The following GHR variants were observed in gnomAD, a reference collection of about 807,000 sequenced individuals.
GHR encodes GH receptor.
GHR carries 35 observed loss-of-function variants against 67.1 expected under a neutral mutation model. The observed-to-expected ratio is 0.52, with a 90% CI of 0.40 to 0.69. GHR has a LOEUF of 0.69. Ranked by LOEUF, GHR falls within the 30% of genes least tolerant of loss-of-function variation. GHR has a pLI of 0.00. For missense variants in GHR, 792 were observed against 764.6 expected, an observed-to-expected ratio of 1.04 and a Z score of -0.42; for synonymous variants, 272 against 269.1, an observed-to-expected ratio of 1.01 and a Z score of -0.10.
chr5:42,635,082 CATT>C (rs1754112646), intron 3 of GHR, among the ~76,000 whole-genome samples: 2 of 151,710 alleles, frequency 1.3e-5, no homozygotes, highest in African/African-American at 4.8e-5. Context: ...TGGAAGCTGA[CATT>C]AAATTATTGA....
At chr5:42,436,175 G>A (rs1743315125) in intron 1 of GHR, among the ~76,000 whole-genome samples, 1 of 152,192 alleles carries the variant, frequency 6.6e-6, no homozygotes, top group Admixed American at 6.5e-5. Flanking sequence ...ACATAGCCTT[G>A]AGTAACTTAG....
At chr5:42,481,560 C>A (rs1745638438) in intron 1 of GHR, among the ~76,000 whole-genome samples, 1 of 152,162 alleles carries the variant, frequency 6.6e-6, no homozygotes, top group Admixed American at 6.5e-5. Flanking sequence ...CACATAGTCC[C>A]ATATTTCTTG....
intron 4 of GHR, among the ~76,000 whole-genome samples, chr5:42,690,612 C>T (rs1757378051): frequency 6.6e-6 from 1 of 152,038 alleles, no homozygotes; most frequent in African/African-American, 2.4e-5. Flanking sequence ...GGTATAAGAG[C>T]ATTTTAATGC....
At chr5:42,646,323 T>C (rs1410311754) in intron 3 of GHR, 2 of 454,558 alleles carry the variant, frequency 4.4e-6, no homozygotes, top group East Asian at 6.9e-5. Flanking sequence ...TCCATTCTTC[T>C]CTTTGCAGGA....
intron 1 of GHR, among the ~76,000 whole-genome samples, chr5:42,454,392 T>C (rs1214268869): frequency 6.6e-6 from 1 of 152,196 alleles, no homozygotes; most frequent in African/African-American, 2.4e-5. Context: ...ATTATTGTCA[T>C]GAGTATGGCC....
In GHR at chr5:42,430,607, CGTGTGTGTGT is replaced by C. The variant is rs141602161; in HGVS notation, c.-12+6673_-12+6682del. Reference sequence around the variant, plus strand: ...TAGATAAAATTGTCCATGCTAGTCCCGTGTGTGTGTGTGTGTGTGTGTGTGTGTGTATGTG... The same window carrying C: ...TAGATAAAATTGTCCATGCTAGTCCCGTGTGTGTGTGTGTGTGTGTATGTG... On this transcript the variant is annotated intron_variant, in intron 1 of 9. Transcript: ENST00000230882. Among the ~76,000 whole-genome samples, 433 of 147,512 alleles carry C rather than the reference CGTGTGTGTGT, an allele frequency of 2.9e-3. 1 individual carries two copies. The highest frequency in any genetic ancestry group is 0.011 in the African/African-American group (419 of 39,850).
At chr5:42,652,781 A>T (rs989380658) in intron 3 of GHR, among the ~76,000 whole-genome samples, 4 of 152,178 alleles carry the variant, frequency 2.6e-5, no homozygotes, top group African/African-American at 4.8e-5. Flanking sequence ...AGACTGAGGC[A>T]CAAGGAAGAG....
chr5:42,534,065 TGTAC>T (rs1210542232), intron 1 of GHR, among the ~76,000 whole-genome samples: 1 of 150,384 alleles, frequency 6.6e-6, no homozygotes, highest in Admixed American at 6.7e-5. Context: ...TGTATATATA[TGTAC>T]GTATGTATAT....
intron 8 of GHR, among the ~76,000 whole-genome samples, chr5:42,714,903 C>T (rs1057428727): frequency 1.3e-5 from 2 of 152,036 alleles, no homozygotes; most frequent in Non-Finnish European, 2.9e-5. Context: ...GATAAACTCA[C>T]GAGGTATGTA....
At position 42,628,550 on chromosome 5, in the gene GHR, C is replaced by T. The variant is rs1753813910; in HGVS notation, c.71-488C>T. ...AAGGCAGGATGTCTTGAAGTGGGGA[C>T]TTGCAGGTCATAGTTTGGTTCAGAG... On this transcript the variant is annotated intron_variant, in intron 2 of 9. Transcript: ENST00000230882. Among the ~76,000 whole-genome samples the T allele has an allele frequency of 1.5e-5, 2 of 131,898 alleles. 1 individual carries two copies. Among genetic ancestry groups the T allele is most frequent in the African/African-American group, 6.4e-5 (2 of 31,228 alleles). 86.5% of individuals were successfully genotyped at this position (131,898 alleles called of 152,430 possible).
chr5:42,424,642 A>C lies in GHR; in HGVS notation c.-12+687A>C. On this transcript the variant is annotated intron_variant, in intron 1 of 9. Transcript: ENST00000230882. The surrounding 1 kb of genome is among the most constrained non-coding windows in gnomAD (Gnocchi z 4.1). ...GAGCCGACCTCCCCCAGCTTTTGAC[A>C]CACTAGTGGTTGTAAAATCAACCAG... 1 of 1,509,558 alleles carries C rather than the reference A, an allele frequency of 6.6e-7. No individual in the cohort carries two copies. The allele number at this position is 1,509,558 out of a possible 1,614,324, so 93.5% of individuals were successfully genotyped here. A position where few individuals can be genotyped will look rare whatever the true frequency, so the allele number is the denominator to read the frequency against.
At chr5:42,665,067 A>G (rs1755883430) in intron 3 of GHR, among the ~76,000 whole-genome samples, 1 of 152,286 alleles carries the variant, frequency 6.6e-6, no homozygotes, top group African/African-American at 2.4e-5. Context: ...ACCAGTTGTT[A>G]GAATGGCGAT....
intron 1 of GHR, among the ~76,000 whole-genome samples, chr5:42,482,550 G>A (rs13170529): frequency 0.072 from 10,983 of 152,192 alleles, 557 homozygotes; most frequent in Non-Finnish European, 0.1. Flanking sequence ...CTTCCTGGCC[G>A]CTTTATTTAC....
At chr5:42,658,218 C>T (rs1034040311) in intron 3 of GHR, among the ~76,000 whole-genome samples, 1 of 152,054 alleles carries the variant, frequency 6.6e-6, no homozygotes, top group Non-Finnish European at 1.5e-5. Context: ...GCAACCTTAC[C>T]ATAAAAAGAA....
At chr5:42,562,524 G>A (rs548578607) in intron 1 of GHR, among the ~76,000 whole-genome samples, 4 of 151,898 alleles carry the variant, frequency 2.6e-5, no homozygotes, top group Non-Finnish European at 5.9e-5. Context: ...TTTTTCTGCT[G>A]TAAGAGTATG....
chr5:42,641,541 G>T (rs963944668), intron 3 of GHR, among the ~76,000 whole-genome samples: 1 of 152,054 alleles, frequency 6.6e-6, no homozygotes, highest in South Asian at 2.1e-4. Context: ...CTGGCTGGGC[G>T]AACTAGATCT....
chr5:42,600,918 CTTTTTTTTTTTTTTTT>C (rs933355797), intron 2 of GHR, among the ~76,000 whole-genome samples: 1 of 66,666 alleles, frequency 1.5e-5, no homozygotes, highest in Non-Finnish European at 2.6e-5. Context: ...TCTTTCTATT[CTTTTTTTTTTTTTTTT>C]TTTTTTTTTG....
chr5:42,665,479 A>G (rs1356768526), intron 3 of GHR, among the ~76,000 whole-genome samples: 2 of 151,972 alleles, frequency 1.3e-5, no homozygotes, highest in Non-Finnish European at 2.9e-5. Flanking sequence ...CATCATTCTG[A>G]GTAAACTATC....
intron 1 of GHR, chr5:42,468,407 C>T (rs1744833792): frequency 1.7e-6 from 2 of 1,170,952 alleles, no homozygotes. Context: ...GTTTCAAAAG[C>T]TTCTTCTTGA....
Sources: gnomAD v4.1 joint callset for allele counts (sites outside exome capture counted in the v4.1 genomes callset) on GRCh38, gnomAD v4.1.1 for gene constraint, Gnocchi (gnomAD v3.1) non-coding constraint, MANE v1.5 for transcripts, NCBI Gene and HGNC (gene_info 2026-07-23, HGNC 2026-07-21) for gene names.